Variants in MSN observed in about 807,000 individuals in gnomAD.
MSN encodes moesin, also known as epididymis luminal protein 70.
MSN carries 2 observed loss-of-function variants against 48.0 expected under a neutral mutation model. The ratio of observed to expected loss-of-function variants is 0.04; its 90% CI spans 0.02 to 0.13. MSN has a LOEUF of 0.13. MSN is among the 10% of genes least tolerant of loss of function. MSN has a pLI of 1.00. For synonymous variants in MSN, 146 were observed against 166.9 expected (o/e 0.87, Z 0.97); for missense variants, 267 against 470.1 (o/e 0.57, Z 3.99).
chrX:65,739,299 T>A (rs767647847), intron 12 of MSN, 105 bp downstream of exon 12: 1 of 811,417 alleles, frequency 1.2e-6, no homozygotes, highest in Non-Finnish European at 1.8e-6. Context: ...CCTGTCCCAG[T>A]GTTGTATGGG....
intron 1 of MSN, among the ~76,000 whole-genome samples, chrX:65,687,491 G>A (rs887183407): frequency 6.2e-5 from 7 of 112,195 alleles, no homozygotes; most frequent in South Asian, 3.6e-4. Flanking sequence ...TTATGCAAAC[G>A]TGTCCTAAAA....
intron 1 of MSN, among the ~76,000 whole-genome samples, chrX:65,603,140 A>G (rs2070251527): frequency 1.8e-5 from 2 of 111,610 alleles, no homozygotes; most frequent in Admixed American, 1.9e-4. Flanking sequence ...CTAAAAATAC[A>G]AAAATTATTT....
intron 1 of MSN, among the ~76,000 whole-genome samples, chrX:65,658,661 C>T (rs796970654): frequency 1.8e-5 from 2 of 110,769 alleles, no homozygotes; most frequent in Non-Finnish European, 3.8e-5. Context: ...GCACTGCATC[C>T]CCTGAAGGAG....
At chrX:65,738,684 T>C in intron 11 of MSN, 67 bp downstream of exon 11, 2 of 1,012,824 alleles carry the variant, frequency 2.0e-6, no homozygotes, top group Non-Finnish European at 2.7e-6. Flanking sequence ...AACAGCTCCT[T>C]AGATTCCTTA....
At chrX:65,684,993 C>T (rs2071099226) in intron 1 of MSN, among the ~76,000 whole-genome samples, 1 of 112,544 alleles carries the variant, frequency 8.9e-6, no homozygotes. Flanking sequence ...ATCACCTCAG[C>T]CTCCCAAAGT....
chrX:65,589,145 C>T (rs1373982669), intron 1 of MSN: 1 of 125,517 alleles, frequency 8.0e-6, no homozygotes, highest in Non-Finnish European at 1.6e-5. Flanking sequence ...TTTCACTCCA[C>T]TCTCTATCCC....
intron 1 of MSN, among the ~76,000 whole-genome samples, chrX:65,648,137 G>A (rs987583533): frequency 3.7e-5 from 4 of 107,220 alleles, no homozygotes; most frequent in African/African-American, 1.1e-4. Flanking sequence ...GGAGGGGGTG[G>A]GGGGGGCGTG....
rs1450493540 is a variant in MSN, at chrX:65,689,965, C to T, written c.12+22112C>T. Among the ~76,000 whole-genome samples the T allele has an allele frequency of 2.7e-5, 3 of 111,301 alleles. No homozygotes were observed. The Admixed American group carries it at 2.9e-4, about 11-fold the overall frequency. Reference sequence around the variant, plus strand: ...CTTAATGTTGACTGTTAGAGCTGCCCTTCTTATAGTAGGGGGCTGAGTTTT... The same window carrying T: ...CTTAATGTTGACTGTTAGAGCTGCCTTTCTTATAGTAGGGGGCTGAGTTTT... On this transcript the variant is annotated intron_variant, in intron 1 of 12. Coordinates refer to ENST00000360270, the MANE Select transcript of MSN (RefSeq NM_002444.3).
At chrX:65,599,165 C>T (rs967285512) in intron 1 of MSN, among the ~76,000 whole-genome samples, 9 of 109,643 alleles carry the variant, frequency 8.2e-5, no homozygotes, top group African/African-American at 3.0e-4. Flanking sequence ...GATGGTAACA[C>T]GAGCCTGTAG....
chrX:65,709,694 T>C (rs1414601060), intron 1 of MSN, among the ~76,000 whole-genome samples: 1 of 113,007 alleles, frequency 8.8e-6, no homozygotes. Flanking sequence ...TCACCCTTGA[T>C]CAGTGCCCTG....
chrX:65,658,370 T>A (rs1213137495), intron 1 of MSN, among the ~76,000 whole-genome samples: 1 of 111,961 alleles, frequency 8.9e-6, no homozygotes, highest in Non-Finnish European at 1.9e-5. Context: ...TTCTCATCTG[T>A]CTCTGACACA....
At position 65,739,913 on chromosome X, in the gene MSN, G is replaced by A. The variant is rs1477933173; in HGVS notation, c.*20G>A. ...ATGTAATGGGCACCCAGCCTCTAGG[G>A]ACCCCTCCTCCCTTTTTCCTTGTCC... On this transcript the variant is annotated 3_prime_UTR_variant, in exon 13 of 13. Transcript: ENST00000360270. 1.7e-6 allele frequency: 2 copies of A among 1,194,405 alleles called. No homozygotes were observed. Among genetic ancestry groups the A allele is most frequent in the African/African-American group, 3.5e-5 (2 of 56,602 alleles).
chrX:65,698,652 A>AAAAG (rs746623471), intron 1 of MSN, among the ~76,000 whole-genome samples: 15 of 112,164 alleles, frequency 1.3e-4, no homozygotes, highest in Non-Finnish European at 2.4e-4. Context: ...CTTCCTGTGC[A>AAAAG]AAAGAGGGTG....
At chrX:65,602,995 A>G (rs1252238404) in intron 1 of MSN, among the ~76,000 whole-genome samples, 1 of 112,096 alleles carries the variant, frequency 8.9e-6, no homozygotes, top group East Asian at 2.8e-4. Context: ...TCAAGGTTAC[A>G]CAGAAAGTGA....
At chrX:65,622,804 C>G (rs2070464151) in intron 1 of MSN, among the ~76,000 whole-genome samples, 1 of 111,558 alleles carries the variant, frequency 9.0e-6, no homozygotes, top group Non-Finnish European at 1.9e-5. Flanking sequence ...AGCCACTGCT[C>G]CCAGTCAGCA....
chrX:65,605,165 C>T (rs1392808129), intron 1 of MSN, among the ~76,000 whole-genome samples: 1 of 112,470 alleles, frequency 8.9e-6, no homozygotes, highest in East Asian at 2.8e-4. Context: ...GGTAAATTCT[C>T]CATTTACCAC....
chrX:65,724,406 A>C (rs1015850977), intron 2 of MSN, among the ~76,000 whole-genome samples: 15 of 110,996 alleles, frequency 1.4e-4, no homozygotes, highest in Admixed American at 8.6e-4. Flanking sequence ...GGCCTCCCAA[A>C]GTGCTGGCAT....
intron 1 of MSN, among the ~76,000 whole-genome samples, chrX:65,659,530 A>G (rs1461076066): frequency 9.0e-6 from 1 of 111,585 alleles, no homozygotes; most frequent in Non-Finnish European, 1.9e-5. Flanking sequence ...CAGCTCCAGA[A>G]CATTCCCAGC....
intron 1 of MSN, among the ~76,000 whole-genome samples, chrX:65,598,666 T>A (rs1207762478): frequency 3.6e-5 from 4 of 110,956 alleles, no homozygotes; most frequent in Admixed American, 9.6e-5. Context: ...AAGACTAGGA[T>A]AGAGTAGTTC....
Sources: allele counts gnomAD v4.1 joint callset (sites outside exome capture counted in the v4.1 genomes callset), GRCh38; gene constraint gnomAD v4.1.1; transcripts MANE v1.5; gene names NCBI Gene and HGNC (gene_info 2026-07-23, HGNC 2026-07-21).